HDGFL2: variants seen among roughly 807,000 people sequenced by gnomAD.
HDGFL2 encodes the protein hepatoma-derived growth factor-related protein 2.
In HDGFL2, 36 loss-of-function variants were observed where a neutral mutation model predicts 77.1. The ratio of observed to expected loss-of-function variants is 0.47; its 90% CI spans 0.36 to 0.62. The LOEUF (loss-of-function observed/expected upper bound fraction) is 0.62, where lower values mean the gene tolerates loss of function less well. Among genes scored for constraint, HDGFL2 ranks in the 20% least tolerant of loss-of-function variants. The pLI is 0.00. For missense variants in HDGFL2, 976 were observed against 973.4 expected, an observed-to-expected ratio of 1.00 and a Z score of -0.04; for synonymous variants, 463 against 413.1, an observed-to-expected ratio of 1.12 and a Z score of -1.46.
chr19:4,491,695 C>G lies in HDGFL2; in HGVS notation c.606+13C>G. 6.2e-7 allele frequency: 1 copy of G among 1,613,714 alleles called. No individual in the cohort carries two copies. Among genetic ancestry groups the G allele is most frequent in the Non-Finnish European group, 8.5e-7 (1 of 1,179,686 alleles). Reference sequence around the variant, plus strand: ...GACCAGCGACCAGGTGGGCCAGTGGCTCCTTGGGATGGCAGGGAAGCGTGG... The same window carrying G: ...GACCAGCGACCAGGTGGGCCAGTGGGTCCTTGGGATGGCAGGGAAGCGTGG... On this transcript the variant is annotated intron_variant, in intron 5 of 15. Coordinates refer to ENST00000616600, the MANE Select transcript of HDGFL2 (RefSeq NM_001001520.3).
chr19:4,472,312 T>C lies in HDGFL2; in HGVS notation c.-39T>C, dbSNP rs370094502. On this transcript the variant is annotated 5_prime_UTR_variant, in exon 1 of 16. Coordinates refer to ENST00000616600, the MANE Select transcript of HDGFL2 (RefSeq NM_001001520.3). The stretch of plus-strand genomic sequence containing the variant: ...CCGCCGCCGCAGCCGCTACCGCCGC[T>C]GCAGCCGCTTTCCGCGGCCTGGGCC... 1 of 1,450,318 alleles carries C rather than the reference T, an allele frequency of 6.9e-7. No individual in the cohort carries two copies. The allele number at this position is 1,450,318 out of a possible 1,614,324, so 89.8% of individuals were successfully genotyped here.
At chr19:4,491,464 T>C in intron 4 of HDGFL2, 102 bp from the exon 5 acceptor site, 1 of 947,628 alleles carries the variant, frequency 1.1e-6, no homozygotes, top group Non-Finnish European at 1.7e-6. Context: ...GCCAGAGAGG[T>C]TCCAGAGCTC....
chr19:4,500,237 GATGGGGCT>G (rs539266716), intron 14 of HDGFL2, among the ~76,000 whole-genome samples: 33 of 152,324 alleles, frequency 2.2e-4, no homozygotes, highest in African/African-American at 7.0e-4. Context: ...GCGAGCTTGG[GATGGGGCT>G]TTGCGGCCCA....
At chr19:4,500,757 T>C (rs985014998) in intron 14 of HDGFL2, among the ~76,000 whole-genome samples, 7 of 152,052 alleles carry the variant, frequency 4.6e-5, no homozygotes, top group South Asian at 2.1e-4. Context: ...CACTGCGCCC[T>C]GCCAGGACGT....
chr19:4,492,546 TTGTG>T (rs1258028178), intron 6 of HDGFL2, among the ~76,000 whole-genome samples: 7 of 151,534 alleles, frequency 4.6e-5, no homozygotes, highest in Admixed American at 6.6e-5. Context: ...GGTGTCTGTG[TTGTG>T]TGTGTTTGTG....
chr19:4,475,597 G>T lies in HDGFL2; in HGVS notation c.288+14G>T, dbSNP rs373726754. On this transcript the variant is annotated intron_variant, in intron 3 of 15. Transcript: ENST00000616600. ...AGCGCCCCTCCGGTGAGTACCCGGG[G>T]TGGAGAGCCAGTGTGAAGCGCGCTA... 1.0e-5 allele frequency: 16 copies of T among 1,563,764 alleles called. No individual in the cohort carries two copies. Among genetic ancestry groups the T allele is most frequent in the Non-Finnish European group, 1.3e-5 (15 of 1,161,708 alleles).
At chr19:4,485,232 AC>A (rs1478901149) in intron 3 of HDGFL2, among the ~76,000 whole-genome samples, 1 of 152,164 alleles carries the variant, frequency 6.6e-6, no homozygotes, top group Non-Finnish European at 1.5e-5. Context: ...CCTGTCCTGG[AC>A]ATTTCATAGA....
intron 15 of HDGFL2, chr19:4,501,520 A>G: frequency 1.8e-6 from 1 of 568,544 alleles, no homozygotes; most frequent in Non-Finnish European, 2.9e-6. Flanking sequence ...AGGCAGCTCC[A>G]GGGCTTTGAG....
intron 6 of HDGFL2, among the ~76,000 whole-genome samples, chr19:4,493,290 G>T (rs1347023754): frequency 2.8e-5 from 4 of 141,318 alleles, no homozygotes; most frequent in Non-Finnish European, 4.8e-5. Context: ...GTCTGTGTGT[G>T]GTGTGTGTGT....
chr19:4,492,953 CGTGT>C (rs1975569923), intron 6 of HDGFL2, among the ~76,000 whole-genome samples: 1 of 62,798 alleles, frequency 1.6e-5, no homozygotes, highest in Admixed American at 1.8e-4. Flanking sequence ...GTGTGTGGTG[CGTGT>C]GAGTTGTCTG....
intron 3 of HDGFL2, chr19:4,486,353 G>C (rs1487815148): frequency 6.6e-6 from 1 of 151,956 alleles, no homozygotes; most frequent in African/African-American, 2.4e-5. Flanking sequence ...CACATAGCAG[G>C]TGTGTCATGA....
rs142235719 is a variant in HDGFL2, at chr19:4,478,133, G to T, written c.288+2550G>T. On this transcript the variant is annotated intron_variant, in intron 3 of 15. Transcript: ENST00000616600. ...CCTGGGCCATTTTCCTAGAGGCATA[G>T]ATTTAATTGTGTAAGATGGGAGCCC... is the stretch of plus-strand genomic sequence containing the variant. 7.4e-5 allele frequency among the ~76,000 whole-genome samples: 11 copies of T among 148,798 alleles called. No homozygotes were observed. The East Asian group carries it at 2.2e-3, about 29-fold the overall frequency.
chr19:4,485,228 C>T (rs1286402525), intron 3 of HDGFL2, among the ~76,000 whole-genome samples: 1 of 152,188 alleles, frequency 6.6e-6, no homozygotes, highest in Non-Finnish European at 1.5e-5. Flanking sequence ...TGGGCCTGTC[C>T]TGGACATTTC....
intron 14 of HDGFL2, among the ~76,000 whole-genome samples, chr19:4,500,931 G>T (rs1975855921): frequency 6.6e-6 from 1 of 152,178 alleles, no homozygotes; most frequent in African/African-American, 2.4e-5. Flanking sequence ...AGGCTGCTGT[G>T]GGCTTTTCTC....
At chr19:4,485,709 T>G (rs972829513) in intron 3 of HDGFL2, among the ~76,000 whole-genome samples, 1 of 149,964 alleles carries the variant, frequency 6.7e-6, no homozygotes, top group African/African-American at 2.5e-5. Flanking sequence ...ACCACTGCCC[T>G]CCAGCCTGGG....
chr19:4,498,999 G>A, intron 13 of HDGFL2, 84 bp downstream of exon 13: 2 of 946,036 alleles, frequency 2.1e-6, no homozygotes, highest in Admixed American at 4.0e-5. Context: ...CCCCCAGCAG[G>A]TTCCTGTCGG....
At chr19:4,501,878 G>C in intron 15 of HDGFL2, 33 bp from the exon 16 acceptor site, 1 of 1,395,614 alleles carries the variant, frequency 7.2e-7, no homozygotes, top group Non-Finnish European at 9.4e-7. Context: ...GGGCGGGAGG[G>C]CATCCTCACA....
chr19:4,501,350 T>C, intron 15 of HDGFL2, 33 bp downstream of exon 15: 1 of 1,554,780 alleles, frequency 6.4e-7, no homozygotes, highest in South Asian at 1.2e-5. Flanking sequence ...TTTGGACTCC[T>C]GAGCGGCAGC....
chr19:4,501,911 C>T lies in HDGFL2; in HGVS notation c.1917C>T (p.Asp639=). 1.4e-6 allele frequency: 2 copies of T among 1,453,570 alleles called. No individual in the cohort carries two copies. The highest frequency in any genetic ancestry group is 2.9e-5 in the South Asian group (2 of 68,998). 90.0% of individuals were successfully genotyped at this position (1,453,570 alleles called of 1,614,324 possible). A position where few individuals can be genotyped will look rare whatever the true frequency, so the allele number is the denominator to read the frequency against. ...ACACCGCCTTTGCTGTTCCCACCAG[C>T]AGCGTACGGGAGGGTCCCGACCTGG... ...PRCGSSEDLH[D]SVREGPDLDR... The change falls in exon 16 of 16, where the codon GAC becomes GAT. Residue 639 remains aspartate (D), a splice_region_variant and synonymous_variant. Coordinates refer to ENST00000616600, the MANE Select transcript of HDGFL2 (RefSeq NM_001001520.3).
Sources: gnomAD v4.1 joint callset for allele counts (sites outside exome capture counted in the v4.1 genomes callset) on GRCh38, gnomAD v4.1.1 for gene constraint, MANE v1.5 for transcripts, NCBI Gene and HGNC (gene_info 2026-07-23, HGNC 2026-07-21) for gene names.